KDM3B: variants seen among roughly 807,000 people sequenced by gnomAD.
KDM3B encodes lysine-specific demethylase 3B.
Under a neutral mutation model 170.0 loss-of-function variants are expected in KDM3B, and 10 were observed. The ratio of observed to expected loss-of-function variants is 0.06; its 90% CI spans 0.04 to 0.10. KDM3B has a LOEUF of 0.10. Among genes scored for constraint, KDM3B ranks in the 10% least tolerant of loss-of-function variants. KDM3B has a pLI of 1.00. For missense variants in KDM3B, 1,394 were observed against 2,195.2 expected (o/e 0.64, Z 7.29); for synonymous variants, 831 against 834.8 (o/e 1.00, Z 0.08).
chr5:138,392,656 G>C (rs974108843), intron 8 of KDM3B, among the ~76,000 whole-genome samples: 1 of 152,206 alleles, frequency 6.6e-6, no homozygotes, highest in Non-Finnish European at 1.5e-5. Context: ...TTGTAGACTT[G>C]ATGAAGCAGA....
rs765783208 is a variant in KDM3B, at chr5:138,393,194, G to C, written c.2653G>C (p.Val885Leu). The C allele has an allele frequency of 5.6e-6, 9 of 1,614,042 alleles. No individual in the cohort carries two copies. The African/African-American group carries it at 1.1e-4, about 19-fold the overall frequency. The change falls in exon 9 of 24, where the codon GTA becomes CTA. Residue 885 changes from valine to leucine, a missense_variant. By Grantham distance (32) the Val-to-Leu change is conservative. This residue lies in a region of KDM3B where 76 missense variants were observed against 190.2 expected (regional missense o/e 0.40). Transcript: ENST00000314358. The part of the protein sequence containing the change: ...LKVGQSVLKD[V>L]SKVKKLKQSG... ...AGTTGGCCAGTCAGTGCTGAAAGATGTAAGCAAAGTGAAGAAGCTGAAGCA... is the reference window on the plus strand; with the variant it reads ...AGTTGGCCAGTCAGTGCTGAAAGATCTAAGCAAAGTGAAGAAGCTGAAGCA...
rs1036980313 is a variant in KDM3B, at chr5:138,380,164, T to A, written c.705+456T>A. Among the ~76,000 whole-genome samples the A allele has an allele frequency of 4.6e-5, 7 of 152,074 alleles. No individual in the cohort carries two copies. In the East Asian group the frequency reaches 9.6e-4, roughly 21 times the overall value. On this transcript the variant is annotated intron_variant, in intron 5 of 23. Transcript: ENST00000314358. ...CACCACACCTAGCTAATTTTTCTAT[T>A]TTTTGTAGAGAAGGAGTCTTGCTAT...
chr5:138,384,544 C>G (rs893282247), intron 6 of KDM3B, among the ~76,000 whole-genome samples: 2 of 151,760 alleles, frequency 1.3e-5, no homozygotes, highest in Admixed American at 6.6e-5. Context: ...TCAAGACCAA[C>G]CTGGCCAGCA....
intron 2 of KDM3B, among the ~76,000 whole-genome samples, chr5:138,374,659 A>G (rs1761953324): frequency 6.6e-6 from 1 of 152,178 alleles, no homozygotes; most frequent in Non-Finnish European, 1.5e-5. Context: ...TAGGCTATTT[A>G]TTTATGAAAT....
chr5:138,357,233 G>A (rs188258322), intron 1 of KDM3B, among the ~76,000 whole-genome samples: 234 of 151,810 alleles, frequency 1.5e-3, no homozygotes, highest in Non-Finnish European at 2.7e-3. Context: ...GCAGTTGCCT[G>A]CCTCAGCCTC....
In KDM3B at chr5:138,430,441, G is replaced by A. The variant is rs1444846986; in HGVS notation, c.5070+16G>A. 3.1e-6 allele frequency: 5 copies of A among 1,611,886 alleles called. No individual in the cohort carries two copies. Among genetic ancestry groups the A allele is most frequent in the Non-Finnish European group, 4.2e-6 (5 of 1,178,208 alleles). ...CCCACACCAGGTGGGTTCCTGCTTG[G>A]GGGTTGGGCTGAACAGTTCCATGGG... On this transcript the variant is annotated intron_variant, in intron 22 of 23. Transcript: ENST00000314358.
chr5:138,387,684 T>C (rs1290613737), intron 7 of KDM3B, among the ~76,000 whole-genome samples: 40 of 152,208 alleles, frequency 2.6e-4, no homozygotes, highest in Admixed American at 2.6e-3. Context: ...TTCACACTGT[T>C]GATGGTTTGT....
chr5:138,435,413 T>A (rs547227689), intron 23 of KDM3B, among the ~76,000 whole-genome samples: 4 of 152,338 alleles, frequency 2.6e-5, no homozygotes, highest in African/African-American at 9.6e-5. Context: ...ATGATGGTGA[T>A]CAGATGGCCT....
intron 6 of KDM3B, among the ~76,000 whole-genome samples, chr5:138,384,823 A>G (rs1762217270): frequency 6.6e-6 from 1 of 150,722 alleles, no homozygotes; most frequent in Admixed American, 6.6e-5. Flanking sequence ...CTGAGGCAAG[A>G]CAGTCACTTG....
chr5:138,430,435 T>C lies in KDM3B; in HGVS notation c.5070+10T>C. The C allele has an allele frequency of 6.2e-7, 1 of 1,612,314 alleles. No homozygotes were observed. The highest frequency in any genetic ancestry group is 8.5e-7 in the Non-Finnish European group (1 of 1,178,468). On this transcript the variant is annotated intron_variant, in intron 22 of 23. Coordinates refer to ENST00000314358, the MANE Select transcript of KDM3B (RefSeq NM_016604.4). The stretch of plus-strand genomic sequence containing the variant: ...TGGAGCCCCACACCAGGTGGGTTCC[T>C]GCTTGGGGGTTGGGCTGAACAGTTC...
At chr5:138,358,302 C>CTTTTTTT (rs201804669) in intron 1 of KDM3B, among the ~76,000 whole-genome samples, 2 of 109,802 alleles carry the variant, frequency 1.8e-5, no homozygotes, top group South Asian at 3.4e-4. Flanking sequence ...TTCTTTCTTT[C>CTTTTTTT]TTTCTTTTTT....
In KDM3B at chr5:138,391,261, T is replaced by G. The variant is rs774991419; in HGVS notation, c.1629T>G (p.Val543=). The G allele has an allele frequency of 3.7e-6, 6 of 1,614,190 alleles. No individual in the cohort carries two copies. Among genetic ancestry groups the G allele is most frequent in the Non-Finnish European group, 5.1e-6 (6 of 1,180,038 alleles). ...CTACCAGTAACTACTTCACTACTGT[T>G]TCAGAGAGTTTGGCTGATGATTCTT... ...TLPTSNYFTT[V]SESLADDSSS... is the part of the protein sequence containing the mutation. Residue 543 remains valine, a synonymous_variant, in exon 8 of 24, where the codon GTT becomes GTG. Transcript: ENST00000314358. This position sits in a 1 kb window ranked among gnomAD's most constrained non-coding sequence, Gnocchi z 5.0.
At chr5:138,395,883 G>A (rs575842914) in intron 9 of KDM3B, among the ~76,000 whole-genome samples, 1 of 152,178 alleles carries the variant, frequency 6.6e-6, no homozygotes, top group South Asian at 2.1e-4. Context: ...CTCCCAAAGT[G>A]CAGGGCTTAT....
intron 1 of KDM3B, among the ~76,000 whole-genome samples, chr5:138,359,958 G>A (rs1432820067): frequency 2.0e-5 from 3 of 152,108 alleles, no homozygotes; most frequent in Admixed American, 2.0e-4. Flanking sequence ...TCTTCTATCT[G>A]AGAGTCTTCC....
intron 10 of KDM3B, among the ~76,000 whole-genome samples, chr5:138,398,954 T>A (rs1203026686): frequency 1.4e-5 from 2 of 141,946 alleles, no homozygotes; most frequent in Non-Finnish European, 3.0e-5. Flanking sequence ...AGTGGCACAA[T>A]CTCGGCTCAC....
chr5:138,355,795 C>T (rs1163120956), intron 1 of KDM3B, among the ~76,000 whole-genome samples: 3 of 152,088 alleles, frequency 2.0e-5, no homozygotes, highest in Non-Finnish European at 4.4e-5. Flanking sequence ...AAAAAGAAAC[C>T]CATGGATTTT....
intron 7 of KDM3B, among the ~76,000 whole-genome samples, chr5:138,389,151 T>C (rs1026538519): frequency 3.3e-5 from 5 of 152,246 alleles, no homozygotes; most frequent in African/African-American, 1.2e-4. Context: ...GCTGTGTCTG[T>C]TCTTTTTCTC....
At position 138,386,099 on chromosome 5, in the gene KDM3B, G is replaced by A. The variant is rs774488153; in HGVS notation, c.858G>A (p.Arg286=). The A allele has an allele frequency of 6.2e-6, 10 of 1,614,072 alleles. No individual in the cohort carries two copies. In the African/African-American group the frequency reaches 1.3e-4, roughly 22 times the overall value. ...RESIEGKDGR[R]RKSASDSGCD... is the part of the protein sequence containing the mutation. ...GCATAGAGGGGAAAGATGGCCGGAG[G>A]AGGAAAAGTGCTTCGGACTCTGGGT... is the stretch of plus-strand genomic sequence containing the variant. Residue 286 remains arginine, a synonymous_variant, in exon 7 of 24, where the codon AGG becomes AGA. Transcript: ENST00000314358.
chr5:138,357,961 A>G (rs1413143985), intron 1 of KDM3B, among the ~76,000 whole-genome samples: 1 of 150,604 alleles, frequency 6.6e-6, no homozygotes, highest in Non-Finnish European at 1.5e-5. Flanking sequence ...TGCTGGGATT[A>G]CAGGTGTGAG....
Sources: allele counts gnomAD v4.1 joint callset (sites outside exome capture counted in the v4.1 genomes callset), GRCh38; gene constraint gnomAD v4.1.1; regional missense constraint gnomAD v4.1.1; non-coding constraint Gnocchi (gnomAD v3.1); transcripts MANE v1.5; gene names NCBI Gene and HGNC (gene_info 2026-07-23, HGNC 2026-07-21).